SEMA3E: variants seen among roughly 807,000 people sequenced by gnomAD.
The protein encoded by SEMA3E is semaphorin 3E.
SEMA3E carries 49 observed loss-of-function variants against 93.6 expected under a neutral mutation model. That is an observed-to-expected ratio of 0.52 (90% CI 0.42 to 0.66). The LOEUF is 0.66. Ranked by LOEUF, SEMA3E falls within the 30% of genes least tolerant of loss-of-function variation. The pLI is 0.00. For missense variants in SEMA3E, 906 were observed against 964.8 expected (o/e 0.94, Z 0.81); for synonymous variants, 363 against 330.7 (o/e 1.10, Z -1.06).
At position 83,368,273 on chromosome 7, in the gene SEMA3E, A is replaced by G. The variant is rs2247532; in HGVS notation, c.1876-235T>C. ...ATATTTACATTGGTGGTCACTTCAT[A>G]TCAATGACCTTGAGATCATTTTATA... On this transcript the variant is annotated intron_variant, in intron 16 of 16. Transcript: ENST00000643230. Among the ~76,000 whole-genome samples the G allele has an allele frequency of 0.71, 107,024 of 150,476 alleles. 42,700 individuals are homozygous for G. The highest frequency in any genetic ancestry group is 0.88 in the East Asian group (4,529 of 5,160).
chr7:83,486,374 A>G (rs907537889), intron 2 of SEMA3E, among the ~76,000 whole-genome samples: 5 of 152,160 alleles, frequency 3.3e-5, no homozygotes, highest in Non-Finnish European at 7.4e-5. Context: ...TGTCAGCAGT[A>G]CCAAGTTTGA....
chr7:83,642,121 C>A (rs777316422), intron 1 of SEMA3E, among the ~76,000 whole-genome samples: 1 of 152,122 alleles, frequency 6.6e-6, no homozygotes, highest in Non-Finnish European at 1.5e-5. Context: ...TATGCCAAAG[C>A]TACAAACTAA....
chr7:83,544,810 T>A (rs1241001383), intron 1 of SEMA3E, among the ~76,000 whole-genome samples: 2 of 152,206 alleles, frequency 1.3e-5, no homozygotes, highest in East Asian at 3.9e-4. Flanking sequence ...CCATCTCATC[T>A]AGGTGGGACC....
intron 1 of SEMA3E, among the ~76,000 whole-genome samples, chr7:83,552,066 T>C (rs1791778599): frequency 6.6e-6 from 1 of 152,126 alleles, no homozygotes; most frequent in South Asian, 2.1e-4. Context: ...CCTACCATAG[T>C]TCTGACCCTG....
At chr7:83,617,212 T>C (rs888397268) in intron 1 of SEMA3E, among the ~76,000 whole-genome samples, 1 of 151,618 alleles carries the variant, frequency 6.6e-6, no homozygotes, top group African/African-American at 2.4e-5. Flanking sequence ...TGTTTTATGT[T>C]CCTATATAAT....
chr7:83,554,112 AT>A lies in SEMA3E; in HGVS notation c.116-63839del, dbSNP rs1262529266. On this transcript the variant is annotated intron_variant, in intron 1 of 16. Transcript: ENST00000643230. ...TAAGAATATATTCTCATAGTTACATATTTAAAATAAGAAATATGTATAATGA... is the reference window on the plus strand; with the variant it reads ...TAAGAATATATTCTCATAGTTACATATTAAAATAAGAAATATGTATAATGA... Among the ~76,000 whole-genome samples the A allele has an allele frequency of 2.0e-5, 3 of 152,176 alleles. No individual in the cohort carries two copies. The East Asian group carries it at 5.8e-4, about 29-fold the overall frequency.
chr7:83,397,003 A>G (rs1788136094), intron 11 of SEMA3E, among the ~76,000 whole-genome samples: 1 of 151,708 alleles, frequency 6.6e-6, no homozygotes, highest in Non-Finnish European at 1.5e-5. Flanking sequence ...AATTGCTTGA[A>G]CCTGGGAAGC....
chr7:83,639,487 C>T (rs528381499), intron 1 of SEMA3E, among the ~76,000 whole-genome samples: 10 of 151,818 alleles, frequency 6.6e-5, no homozygotes, highest in South Asian at 2.1e-4. Context: ...AAAGCCCAGG[C>T]GGTAATTATA....
At chr7:83,392,422 T>C in intron 14 of SEMA3E, 133 bp downstream of exon 14, 1 of 989,262 alleles carries the variant, frequency 1.0e-6, no homozygotes, top group Non-Finnish European at 1.5e-6. Flanking sequence ...GTCAACAGCA[T>C]GTTCAGTGCC....
chr7:83,600,535 G>A (rs1194493660), intron 1 of SEMA3E, among the ~76,000 whole-genome samples: 4 of 107,314 alleles, frequency 3.7e-5, no homozygotes, highest in African/African-American at 1.5e-4. Flanking sequence ...TTTTAGTAGA[G>A]ACGGGGTTTC....
chr7:83,574,902 C>T (rs977483261), intron 1 of SEMA3E, among the ~76,000 whole-genome samples: 9 of 152,064 alleles, frequency 5.9e-5, no homozygotes, highest in Non-Finnish European at 1.3e-4. Flanking sequence ...CACAGAACCA[C>T]GAACTAAAGT....
rs768606535 is a variant in SEMA3E, at chr7:83,367,861, C to G, written c.2053G>C (p.Asp685His). The change falls in exon 17 of 17, where the codon GAC becomes CAC. Residue 685 changes from aspartate to histidine, a missense_variant. Asp to His is a moderately conservative substitution (Grantham distance 81). Transcript: ENST00000643230. ...CTGTGATGCCTGTCCTCCTCATCGT[C>G]CTTGTTAAACATATCCTCGACTTTC... ...EEKVEDMFNK[D>H]DEEDRHHRMP... 1 of 1,612,518 alleles carries G rather than the reference C, an allele frequency of 6.2e-7. No individual in the cohort carries two copies. Among genetic ancestry groups the G allele is most frequent in the South Asian group, 1.1e-5 (1 of 91,056 alleles).
chr7:83,592,182 T>C (rs1792769200), intron 1 of SEMA3E, among the ~76,000 whole-genome samples: 1 of 152,132 alleles, frequency 6.6e-6, no homozygotes, highest in African/African-American at 2.4e-5. Context: ...TTTTTAAATG[T>C]TATTTACATA....
chr7:83,411,258 AAT>A (rs1788434317), intron 5 of SEMA3E, among the ~76,000 whole-genome samples: 1 of 152,120 alleles, frequency 6.6e-6, no homozygotes, highest in East Asian at 1.9e-4. Context: ...ATGTATTCTC[AAT>A]GTTACCCAGT....
chr7:83,444,446 T>C (rs540799427), intron 4 of SEMA3E, among the ~76,000 whole-genome samples: 1 of 152,270 alleles, frequency 6.6e-6, no homozygotes, highest in South Asian at 2.1e-4. Flanking sequence ...CTCTAGGGAA[T>C]TACTTTAGGG....
chr7:83,418,288 G>T, intron 5 of SEMA3E, 102 bp downstream of exon 5: 2 of 842,470 alleles, frequency 2.4e-6, no homozygotes, highest in Non-Finnish European at 4.0e-6. Context: ...ATATGACAAG[G>T]CATAGTATGT....
intron 1 of SEMA3E, among the ~76,000 whole-genome samples, chr7:83,606,208 G>T (rs1238405432): frequency 2.0e-5 from 3 of 152,198 alleles, no homozygotes; most frequent in Admixed American, 6.5e-5. Context: ...TTGGTTTACA[G>T]AAGGAAGAGA....
At chr7:83,379,963 T>C (rs747346299) in intron 16 of SEMA3E, among the ~76,000 whole-genome samples, 5 of 151,888 alleles carry the variant, frequency 3.3e-5, no homozygotes, top group South Asian at 2.1e-4. Flanking sequence ...CCAACATCTC[T>C]TGCCATGCCA....
chr7:83,591,332 G>A (rs1264901429), intron 1 of SEMA3E, among the ~76,000 whole-genome samples: 2 of 151,674 alleles, frequency 1.3e-5, no homozygotes, highest in Non-Finnish European at 2.9e-5. Flanking sequence ...TTTATAGTAT[G>A]GTAATTTTGT....
Sources: allele counts gnomAD v4.1 joint callset (sites outside exome capture counted in the v4.1 genomes callset), GRCh38; gene constraint gnomAD v4.1.1; transcripts MANE v1.5; gene names NCBI Gene and HGNC (gene_info 2026-07-23, HGNC 2026-07-21).